Variants in ARMC8 observed in about 807,000 individuals in gnomAD.
ARMC8 encodes armadillo repeat-containing protein 8.
Under a neutral mutation model 99.3 loss-of-function variants are expected in ARMC8, and 20 were observed. The ratio of observed to expected loss-of-function variants is 0.20; its 90% confidence interval spans 0.14 to 0.29. The LOEUF (loss-of-function observed/expected upper bound fraction) is 0.29, where lower values mean the gene tolerates loss of function less well. ARMC8 is among the 10% of genes least tolerant of loss of function. ARMC8 has a pLI of 1.00. For synonymous variants in ARMC8, 263 were observed against 278.3 expected (o/e 0.95, Z 0.55); for missense variants, 569 against 809.5 (o/e 0.70, Z 3.60).
intron 1 of ARMC8, among the ~76,000 whole-genome samples, chr3:138,192,757 A>G (rs1207222404): frequency 6.6e-6 from 1 of 151,380 alleles, no homozygotes; most frequent in Non-Finnish European, 1.5e-5. Flanking sequence ...CTGGTCTGGA[A>G]CTCCTAAGTG....
intron 1 of ARMC8, among the ~76,000 whole-genome samples, chr3:138,191,898 T>C (rs2043406713): frequency 6.6e-6 from 1 of 152,242 alleles, no homozygotes; most frequent in African/African-American, 2.4e-5. Context: ...GTTTAACCAT[T>C]TACCTGTTGG....
At chr3:138,187,788 A>C in intron 1 of ARMC8, 189 bp downstream of exon 1, 3 of 617,028 alleles carry the variant, frequency 4.9e-6, no homozygotes, top group South Asian at 4.3e-5. Context: ...GGCCGAGCCA[A>C]AGACGTTTCC....
rs114510539 is a variant in ARMC8, at chr3:138,253,148, C to T, written c.1134+7965C>T. ...CACTTATTAAGCAAATATATTAAGC[C>T]TTTGCTAAATATAAAGTGTTAGGTG... On this transcript the variant is annotated intron_variant, in intron 12 of 21. Coordinates refer to ENST00000469044, the MANE Select transcript of ARMC8 (RefSeq NM_001363941.2). Among the ~76,000 whole-genome samples, 898 of 152,088 alleles carry T rather than the reference C, an allele frequency of 5.9e-3. 11 individuals carry two copies. Among genetic ancestry groups the T allele is most frequent in the African/African-American group, 0.02 (848 of 41,496 alleles).
Position 138,239,496 on chromosome 3 carries a change from A to G in ARMC8, c.805A>G (p.Ile269Val), listed in dbSNP as rs778260768. The G allele has an allele frequency of 1.3e-6, 2 of 1,597,154 alleles. No homozygotes were observed. Among genetic ancestry groups the G allele is most frequent in the Non-Finnish European group, 8.5e-7 (1 of 1,172,998 alleles). ...CLTYMCRAGA[I>V]RTDDNCIVLK... ...AACTTACATGTGTAGAGCTGGAGCA[A>G]TTCGGACAGATGATAACTGTATTGT... Residue 269 changes from isoleucine to valine, a missense_variant, in exon 10 of 22, where the codon ATT (isoleucine) becomes GTT (valine). Ile to Val is a conservative substitution (Grantham distance 29, BLOSUM62 3). This residue lies in a region of ARMC8 where 342 missense variants were observed against 391.6 expected (regional missense o/e 0.87). Transcript: ENST00000469044.
chr3:138,221,867 C>G, intron 2 of ARMC8, 59 bp from the exon 3 acceptor site: 1 of 1,325,094 alleles, frequency 7.5e-7, no homozygotes, highest in Non-Finnish European at 1.1e-6. Context: ...GTAGAATGAT[C>G]TTTGATTTTT....
intron 18 of ARMC8, among the ~76,000 whole-genome samples, chr3:138,281,364 C>T (rs60773756): frequency 0.015 from 2,224 of 151,614 alleles, 52 homozygotes; most frequent in African/African-American, 0.048. Flanking sequence ...GCGATATCGG[C>T]TCACTGCAAC....
chr3:138,212,360 A>G (rs1333535915), intron 2 of ARMC8, among the ~76,000 whole-genome samples: 2 of 144,144 alleles, frequency 1.4e-5, no homozygotes, highest in Non-Finnish European at 3.0e-5. Flanking sequence ...CCCAGGCTGC[A>G]GTGCAATGGC....
chr3:138,251,294 G>T (rs2047113466), intron 12 of ARMC8, among the ~76,000 whole-genome samples: 1 of 152,124 alleles, frequency 6.6e-6, no homozygotes, highest in Non-Finnish European at 1.5e-5. Flanking sequence ...AAAGTTTAAT[G>T]ATTCTAAATG....
At chr3:138,264,412 C>CTTTTTTTTT (rs11298899) in intron 14 of ARMC8, among the ~76,000 whole-genome samples, 200 bp downstream of exon 14, 2 of 48,646 alleles carry the variant, frequency 4.1e-5, no homozygotes, top group African/African-American at 1.5e-4. Context: ...GATTTTCTTT[C>CTTTTTTTTT]TTTTTTTTTT....
intron 5 of ARMC8, among the ~76,000 whole-genome samples, chr3:138,227,580 A>G (rs2045759732): frequency 6.6e-6 from 1 of 152,254 alleles, no homozygotes; most frequent in Non-Finnish European, 1.5e-5. Flanking sequence ...CTTGTAGGGA[A>G]TCAGCAGCCT....
chr3:138,244,380 C>A lies in ARMC8; in HGVS notation c.1039-708C>A, dbSNP rs966712048. 2.6e-5 allele frequency among the ~76,000 whole-genome samples: 4 copies of A among 152,112 alleles called. No homozygotes were observed. The South Asian group carries it at 6.2e-4, about 24-fold the overall frequency. ...ACAACCTCTGCCTCCTGGGTTCACA[C>A]CATTCTCCCGCCTCAGCCTCCCAAG... is the stretch of plus-strand genomic sequence containing the variant. On this transcript the variant is annotated intron_variant, in intron 11 of 21. Transcript: ENST00000469044.
At chr3:138,287,510 G>C (rs1336532285) in intron 19 of ARMC8, 2 of 360,006 alleles carry the variant, frequency 5.6e-6, no homozygotes, top group Non-Finnish European at 1.1e-5. Context: ...ATTGAATGAT[G>C]AATAAACTTA....
At chr3:138,246,700 A>G in intron 12 of ARMC8, 4 of 982,884 alleles carry the variant, frequency 4.1e-6, no homozygotes, top group Non-Finnish European at 4.8e-6. Context: ...CTTTTTTGTT[A>G]ATAAACTGTT....
Position 138,262,455 on chromosome 3 carries a change from T to C in ARMC8, c.1135-1284T>C, listed in dbSNP as rs1035602855. ...CTGATCATTGTTAATTTCAACAATA[T>C]TTTCTTCTCTTCTTGTTTGGCTGAA... On this transcript the variant is annotated intron_variant, in intron 12 of 21. Coordinates refer to ENST00000469044, the MANE Select transcript of ARMC8 (RefSeq NM_001363941.2). 4 of 1,467,306 alleles carry C rather than the reference T, an allele frequency of 2.7e-6. No homozygotes were observed. The African/African-American group carries it at 5.7e-5, about 21-fold the overall frequency. 90.9% of individuals were successfully genotyped at this position (1,467,306 alleles called of 1,614,324 possible). A position where few individuals can be genotyped will look rare whatever the true frequency, so the allele number is the denominator to read the frequency against.
intron 19 of ARMC8, among the ~76,000 whole-genome samples, chr3:138,286,755 T>C (rs938607560): frequency 6.6e-6 from 1 of 152,320 alleles, no homozygotes; most frequent in East Asian, 1.9e-4. Context: ...TAGGAGAATC[T>C]CATCCACCCC....
At chr3:138,285,595 C>T (rs947609735) in intron 19 of ARMC8, among the ~76,000 whole-genome samples, 1 of 152,130 alleles carries the variant, frequency 6.6e-6, no homozygotes, top group Non-Finnish European at 1.5e-5. Context: ...TGGACTCTTG[C>T]CCTTATAGAT....
At chr3:138,187,698 C>A in intron 1 of ARMC8, 99 bp downstream of exon 1, 7 of 1,285,834 alleles carry the variant, frequency 5.4e-6, no homozygotes, top group Non-Finnish European at 6.5e-6. Flanking sequence ...GCACCACCCC[C>A]TGGGGTGGAC....
chr3:138,295,968 C>G lies in ARMC8; in HGVS notation c.*76C>G. ...GTACAGGAACCAGCCTCATTTGATT[C>G]CTTCTATTTGCACAAGTCACCTTGG... On this transcript the variant is annotated 3_prime_UTR_variant, in exon 22 of 22. Transcript: ENST00000469044. 6.6e-7 allele frequency: 1 copy of G among 1,516,620 alleles called. No homozygotes were observed. Among genetic ancestry groups the G allele is most frequent in the Non-Finnish European group, 9.0e-7 (1 of 1,106,332 alleles). The allele number at this position is 1,516,620 out of a possible 1,614,324, so 93.9% of individuals were successfully genotyped here. A position where few individuals can be genotyped will look rare whatever the true frequency, so the allele number is the denominator to read the frequency against.
chr3:138,215,202 A>G (rs549681850), intron 2 of ARMC8, among the ~76,000 whole-genome samples: 17 of 151,888 alleles, frequency 1.1e-4, no homozygotes, highest in Non-Finnish European at 1.9e-4. Flanking sequence ...TTGCGTGCAT[A>G]TGTGTATATA....
Sources: allele counts gnomAD v4.1 joint callset (sites outside exome capture counted in the v4.1 genomes callset), GRCh38; gene constraint gnomAD v4.1.1; regional missense constraint gnomAD v4.1.1; transcripts MANE v1.5; gene names NCBI Gene and HGNC (gene_info 2026-07-23, HGNC 2026-07-21).